Variants in NELL1 observed in about 807,000 individuals in gnomAD.
NELL1 encodes the protein neural EGFL like 1.
In NELL1, 76 loss-of-function variants were observed where a neutral mutation model predicts 107.4. The observed-to-expected ratio is 0.71, with a 90% CI of 0.59 to 0.86. The LOEUF (loss-of-function observed/expected upper bound fraction) is 0.86, where lower values mean the gene tolerates loss of function less well. Ranked by LOEUF, NELL1 falls within the 40% of genes least tolerant of loss-of-function variation. The pLI is 0.00. For synonymous variants in NELL1, 353 were observed against 341.2 expected, an observed-to-expected ratio of 1.03 and a Z score of -0.38; for missense variants, 1,024 against 1,005.5, an observed-to-expected ratio of 1.02 and a Z score of -0.25.
chr11:20,970,544 C>T (rs1195782954), intron 12 of NELL1, among the ~76,000 whole-genome samples: 2 of 152,196 alleles, frequency 1.3e-5, no homozygotes, highest in Non-Finnish European at 2.9e-5. Flanking sequence ...GCAATACATT[C>T]TGCCAATAGG....
chr11:20,675,099 C>G (rs773905809), intron 1 of NELL1, among the ~76,000 whole-genome samples: 19 of 152,032 alleles, frequency 1.2e-4, no homozygotes, highest in Non-Finnish European at 2.4e-4. Context: ...GTGGACCAGC[C>G]GGGACATGTT....
At chr11:21,542,097 A>G (rs1319721197) in intron 16 of NELL1, among the ~76,000 whole-genome samples, 1 of 152,100 alleles carries the variant, frequency 6.6e-6, no homozygotes, top group African/African-American at 2.4e-5. Flanking sequence ...GAACAACTAC[A>G]TGATGTGCTA....
intron 2 of NELL1, among the ~76,000 whole-genome samples, chr11:20,695,775 G>A (rs1222510546): frequency 6.6e-6 from 1 of 152,080 alleles, no homozygotes; most frequent in Non-Finnish European, 1.5e-5. Flanking sequence ...ATAACAGGGT[G>A]ATGCTGGCTT....
At chr11:20,743,716 T>C (rs1855942621) in intron 2 of NELL1, among the ~76,000 whole-genome samples, 1 of 152,182 alleles carries the variant, frequency 6.6e-6, no homozygotes, top group Admixed American at 6.5e-5. Context: ...CTCTGTCTCA[T>C]CTTCTCCACC....
chr11:20,930,848 A>G (rs1044637940), intron 9 of NELL1, among the ~76,000 whole-genome samples: 2 of 146,238 alleles, frequency 1.4e-5, no homozygotes, highest in African/African-American at 5.1e-5. Flanking sequence ...ATAGCAATTT[A>G]GTTAGGTAGC....
At chr11:21,408,418 A>C (rs1281698825) in intron 15 of NELL1, among the ~76,000 whole-genome samples, 2 of 152,040 alleles carry the variant, frequency 1.3e-5, no homozygotes, top group Non-Finnish European at 2.9e-5. Context: ...TTCAGACTAC[A>C]AAGAAAAGGA....
At chr11:21,470,749 T>C (rs1446883643) in intron 15 of NELL1, among the ~76,000 whole-genome samples, 2 of 152,112 alleles carry the variant, frequency 1.3e-5, no homozygotes, top group Admixed American at 6.6e-5. Flanking sequence ...CAGGACATAT[T>C]TGCTGCAAGT....
chr11:21,372,324 A>G (rs1011988496), intron 15 of NELL1, among the ~76,000 whole-genome samples: 3 of 151,986 alleles, frequency 2.0e-5, no homozygotes, highest in African/African-American at 7.2e-5. Context: ...TTCCTGTAGA[A>G]CTGCTGTATT....
intron 13 of NELL1, among the ~76,000 whole-genome samples, chr11:21,131,874 C>T (rs1375988787): frequency 6.6e-6 from 1 of 152,074 alleles, no homozygotes; most frequent in Non-Finnish European, 1.5e-5. Context: ...GTTTTATTAA[C>T]CACTATTGAC....
chr11:20,730,451 T>G (rs1345471712), intron 2 of NELL1, among the ~76,000 whole-genome samples: 3 of 152,188 alleles, frequency 2.0e-5, no homozygotes, highest in African/African-American at 4.8e-5. Flanking sequence ...TTGTATTTCA[T>G]TCTCATAGCA....
intron 4 of NELL1, among the ~76,000 whole-genome samples, chr11:20,851,440 ATT>A (rs1848794078): frequency 1.3e-5 from 2 of 151,960 alleles, no homozygotes; most frequent in Non-Finnish European, 2.9e-5. Context: ...GGGGAGACTG[ATT>A]ATCTCCATTG....
rs549509429 is a variant in NELL1, at chr11:21,276,295, C to T, written c.1549+46841C>T. 7.2e-4 allele frequency among the ~76,000 whole-genome samples: 109 copies of T among 152,278 alleles called. 1 individual carries two copies. The highest frequency in any genetic ancestry group is 2.4e-3 in the African/African-American group (99 of 41,550). On this transcript the variant is annotated intron_variant, in intron 14 of 19. Transcript: ENST00000357134. ...CAAATCATGAGTGAACTCCCATTCA[C>T]AATTGCTTCAAAGAGAATAAAATAC...
intron 2 of NELL1, among the ~76,000 whole-genome samples, chr11:20,755,038 C>T (rs1165407272): frequency 2.0e-5 from 3 of 152,206 alleles, no homozygotes; most frequent in Admixed American, 6.5e-5. Context: ...ACTTCCCCAA[C>T]CCCAAGCCAC....
At chr11:21,057,784 G>T (rs894167953) in intron 12 of NELL1, among the ~76,000 whole-genome samples, 16 of 151,900 alleles carry the variant, frequency 1.1e-4, no homozygotes, top group Admixed American at 3.3e-4. Context: ...ATTATGGATA[G>T]TTTTTAAAAT....
At chr11:21,399,711 G>C (rs1047223195) in intron 15 of NELL1, among the ~76,000 whole-genome samples, 1 of 151,740 alleles carries the variant, frequency 6.6e-6, no homozygotes, top group Non-Finnish European at 1.5e-5. Flanking sequence ...GAATACGGCA[G>C]ACCTAGGGCT....
At chr11:21,342,108 G>A (rs1403111198) in intron 14 of NELL1, among the ~76,000 whole-genome samples, 1 of 152,162 alleles carries the variant, frequency 6.6e-6, no homozygotes, top group Non-Finnish European at 1.5e-5. Context: ...CCTACAGAAA[G>A]CCTGGGTGAG....
At chr11:20,812,840 G>C (rs7924374) in intron 3 of NELL1, among the ~76,000 whole-genome samples, 144,504 of 149,360 alleles carry the variant, frequency 0.97, 70,098 homozygotes, top group East Asian at 1. Flanking sequence ...AACCCCGTCT[G>C]TACTAAAAAT....
chr11:21,068,978 T>G (rs1249600971), intron 12 of NELL1, among the ~76,000 whole-genome samples: 2 of 152,212 alleles, frequency 1.3e-5, no homozygotes, highest in Non-Finnish European at 2.9e-5. Flanking sequence ...ACACATTCCT[T>G]TGGAGTCCAC....
chr11:20,755,932 TCCCA>T (rs2133951397), intron 2 of NELL1, among the ~76,000 whole-genome samples: 2 of 133,130 alleles, frequency 1.5e-5, no homozygotes, highest in Non-Finnish European at 3.1e-5. Context: ...TCGCTCTGTC[TCCCA>T]GGCTGGAGTG....
Sources: allele counts gnomAD v4.1 joint callset (sites outside exome capture counted in the v4.1 genomes callset), GRCh38; gene constraint gnomAD v4.1.1; transcripts MANE v1.5; gene names NCBI Gene and HGNC (gene_info 2026-07-23, HGNC 2026-07-21).